Variants in EGFLAM observed in about 807,000 individuals in gnomAD.
EGFLAM encodes EGF like, fibronectin type III and laminin G domains, also known as pikachurin.
Under a neutral mutation model 113.1 loss-of-function variants are expected in EGFLAM, and 79 were observed. The observed-to-expected ratio is 0.70, with a 90% CI of 0.58 to 0.84. The LOEUF (loss-of-function observed/expected upper bound fraction) is 0.84, where lower values mean the gene tolerates loss of function less well. EGFLAM is among the 40% of genes least tolerant of loss of function. EGFLAM has a pLI of 0.00. For missense variants in EGFLAM, 1,265 were observed against 1,291.6 expected, an observed-to-expected ratio of 0.98 and a Z score of 0.32; for synonymous variants, 504 against 487.6, an observed-to-expected ratio of 1.03 and a Z score of -0.44.
chr5:38,410,046 G>A (rs1231539326), intron 10 of EGFLAM, among the ~76,000 whole-genome samples: 1 of 152,134 alleles, frequency 6.6e-6, no homozygotes, highest in Non-Finnish European at 1.5e-5. Flanking sequence ...ACCTCTCCAA[G>A]CCTGCCTTTC....
At chr5:38,311,381 T>C (rs1738442039) in intron 1 of EGFLAM, among the ~76,000 whole-genome samples, 1 of 152,190 alleles carries the variant, frequency 6.6e-6, no homozygotes, top group Non-Finnish European at 1.5e-5. Flanking sequence ...GTAACCGCCA[T>C]TCTACTCTGT....
chr5:38,308,994 C>G (rs1169146483), intron 1 of EGFLAM, among the ~76,000 whole-genome samples: 1 of 152,214 alleles, frequency 6.6e-6, no homozygotes, highest in African/African-American at 2.4e-5. Flanking sequence ...ACAGCTCCTA[C>G]AGACTCACAA....
intron 17 of EGFLAM, among the ~76,000 whole-genome samples, chr5:38,448,069 A>G (rs1742776893): frequency 6.6e-6 from 1 of 152,224 alleles, no homozygotes; most frequent in Admixed American, 6.5e-5. Context: ...CGCTGAGGCC[A>G]GAGGCAGGGA....
chr5:38,343,763 C>T (rs71621865), intron 3 of EGFLAM, among the ~76,000 whole-genome samples: 71 of 152,326 alleles, frequency 4.7e-4, no homozygotes, highest in Middle Eastern at 3.4e-3. Context: ...TCCCAACTGC[C>T]ACTAAGGCAA....
intron 1 of EGFLAM, among the ~76,000 whole-genome samples, chr5:38,328,169 G>A (rs1738937416): frequency 6.6e-6 from 1 of 152,198 alleles, no homozygotes; most frequent in Admixed American, 6.5e-5. Flanking sequence ...AATCATGGCA[G>A]AAGGCAAAGG....
intron 3 of EGFLAM, among the ~76,000 whole-genome samples, chr5:38,339,478 C>A (rs1739278942): frequency 6.6e-6 from 1 of 152,176 alleles, no homozygotes; most frequent in Admixed American, 6.5e-5. Context: ...GGTGCTAACT[C>A]CTGTTTGATC....
intron 11 of EGFLAM, among the ~76,000 whole-genome samples, chr5:38,414,750 G>T (rs528108917): frequency 1.3e-5 from 2 of 152,324 alleles, no homozygotes; most frequent in African/African-American, 4.8e-5. Flanking sequence ...ATGAAGGCAT[G>T]CAAGGTGGCT....
chr5:38,267,266 A>G (rs1757656397), intron 1 of EGFLAM, among the ~76,000 whole-genome samples: 1 of 152,234 alleles, frequency 6.6e-6, no homozygotes, highest in South Asian at 2.1e-4. Context: ...TGCAATGTTA[A>G]TGCTATTTAT....
At chr5:38,416,401 A>G (rs1741644086) in intron 11 of EGFLAM, among the ~76,000 whole-genome samples, 1 of 152,174 alleles carries the variant, frequency 6.6e-6, no homozygotes, top group Non-Finnish European at 1.5e-5. Context: ...CCAGTAGAGG[A>G]GCTCTGGAGT....
intron 1 of EGFLAM, among the ~76,000 whole-genome samples, chr5:38,307,643 C>G (rs541363190): frequency 1.3e-5 from 2 of 152,302 alleles, no homozygotes; most frequent in South Asian, 4.1e-4. Flanking sequence ...AGCCCTAAAT[C>G]TCTGCTGAGC....
At chr5:38,365,588 G>A (rs1740038791) in intron 5 of EGFLAM, among the ~76,000 whole-genome samples, 1 of 152,152 alleles carries the variant, frequency 6.6e-6, no homozygotes, top group Non-Finnish European at 1.5e-5. Flanking sequence ...ATGGGCCACA[G>A]CACTTCAGTG....
intron 6 of EGFLAM, among the ~76,000 whole-genome samples, chr5:38,388,691 G>C (rs1249663743): frequency 6.6e-6 from 1 of 150,886 alleles, no homozygotes; most frequent in South Asian, 2.1e-4. Flanking sequence ...ACCTAGGAGG[G>C]AGAGGTTGCA....
chr5:38,302,355 T>A (rs1229517705), intron 1 of EGFLAM, among the ~76,000 whole-genome samples: 1 of 152,076 alleles, frequency 6.6e-6, no homozygotes, highest in Non-Finnish European at 1.5e-5. Flanking sequence ...GACGTGGGAA[T>A]CAGACAAGCT....
chr5:38,394,792 C>T (rs1009628140), intron 6 of EGFLAM, among the ~76,000 whole-genome samples: 23 of 148,044 alleles, frequency 1.6e-4, no homozygotes, highest in African/African-American at 4.8e-4. Context: ...CACAACTCTT[C>T]GCATCTTACT....
intron 4 of EGFLAM, among the ~76,000 whole-genome samples, chr5:38,351,405 T>A (rs780686372): frequency 4.6e-5 from 7 of 152,044 alleles, no homozygotes; most frequent in Non-Finnish European, 1.0e-4. Flanking sequence ...CCGCGCCTGG[T>A]GACAGCAGCA....
At chr5:38,273,066 C>G (rs1757803713) in intron 1 of EGFLAM, among the ~76,000 whole-genome samples, 1 of 151,976 alleles carries the variant, frequency 6.6e-6, no homozygotes. Context: ...ACCACTGTAT[C>G]TAGTTATAGC....
intron 16 of EGFLAM, among the ~76,000 whole-genome samples, chr5:38,435,966 T>C (rs1270512758): frequency 6.6e-6 from 1 of 151,988 alleles, no homozygotes; most frequent in African/African-American, 2.4e-5. Flanking sequence ...TACAGGTGCC[T>C]GCCACCACGT....
intron 17 of EGFLAM, among the ~76,000 whole-genome samples, chr5:38,446,935 G>A (rs189033122): frequency 1.3e-5 from 2 of 152,114 alleles, no homozygotes; most frequent in East Asian, 3.9e-4. Flanking sequence ...AGAGTCCTTC[G>A]TTCAGTGTCT....
intron 1 of EGFLAM, among the ~76,000 whole-genome samples, chr5:38,264,672 C>G (rs1026480478): frequency 6.6e-6 from 1 of 152,166 alleles, no homozygotes; most frequent in African/African-American, 2.4e-5. Context: ...CAAAGCATGG[C>G]AATTGGGGGA....
Sources: allele counts gnomAD v4.1 joint callset (sites outside exome capture counted in the v4.1 genomes callset), GRCh38; gene constraint gnomAD v4.1.1; transcripts MANE v1.5; gene names NCBI Gene and HGNC (gene_info 2026-07-23, HGNC 2026-07-21).